The following CCNY variants were observed in gnomAD, a reference collection of about 807,000 sequenced individuals.
CCNY encodes the protein cyclin-Y.
Under a neutral mutation model 42.8 loss-of-function variants are expected in CCNY, and 19 were observed. The observed-to-expected ratio is 0.44, with a 90% CI of 0.31 to 0.65. The LOEUF (loss-of-function observed/expected upper bound fraction) is 0.65. Ranked by LOEUF, CCNY falls within the 30% of genes least tolerant of loss-of-function variation. CCNY has a pLI of 0.07. For missense variants in CCNY, 370 were observed against 437.3 expected, an observed-to-expected ratio of 0.85 and a Z score of 1.37; for synonymous variants, 165 against 162.7, an observed-to-expected ratio of 1.01 and a Z score of -0.11.
chr10:35,560,824 C>T (rs1269506868), intron 8 of CCNY, among the ~76,000 whole-genome samples: 3 of 152,144 alleles, frequency 2.0e-5, no homozygotes, highest in African/African-American at 7.2e-5. Flanking sequence ...CCCAGTAAAA[C>T]CGTGTGAGCC....
chr10:35,542,781 T>G (rs543147217), intron 7 of CCNY, among the ~76,000 whole-genome samples: 1 of 152,360 alleles, frequency 6.6e-6, no homozygotes, highest in South Asian at 2.1e-4. Flanking sequence ...TATGGGTCAC[T>G]TTTAATAGAT....
At chr10:35,339,857 T>C (rs1836135162) in intron 1 of CCNY, among the ~76,000 whole-genome samples, 1 of 152,216 alleles carries the variant, frequency 6.6e-6, no homozygotes, top group Admixed American at 6.5e-5. Flanking sequence ...AGTGTTAGGT[T>C]ATTCATGTTT....
At position 35,527,521 on chromosome 10, in the gene CCNY, A is replaced by G. The variant is rs115278370; in HGVS notation, c.401+1522A>G. ...TTTAATAACAACTCCTTAAGGTGAT[A>G]CTGGTATCTTCATTTTACAGATAAA... On this transcript the variant is annotated intron_variant, in intron 5 of 9. Transcript: ENST00000374704. Among the ~76,000 whole-genome samples the G allele has an allele frequency of 3.3e-3, 497 of 152,326 alleles. 3 individuals are homozygous for G. The highest frequency in any genetic ancestry group is 0.011 in the African/African-American group (471 of 41,566).
chr10:35,495,887 TTGAG>T (rs577398890), intron 2 of CCNY, among the ~76,000 whole-genome samples: 46 of 152,222 alleles, frequency 3.0e-4, no homozygotes, highest in South Asian at 1.2e-3. Context: ...TTGTTTTGAA[TTGAG>T]TGAGTGAGTG....
At chr10:35,305,893 G>A (rs139356624) in intron 3 of CCNY, among the ~76,000 whole-genome samples, 3 of 152,184 alleles carry the variant, frequency 2.0e-5, no homozygotes, top group Admixed American at 1.3e-4. Flanking sequence ...GATATGCTTG[G>A]GATCATTAGA....
At chr10:35,343,151 C>T (rs778106760) in intron 1 of CCNY, among the ~76,000 whole-genome samples, 3 of 151,202 alleles carry the variant, frequency 2.0e-5, no homozygotes, top group East Asian at 2.0e-4. Flanking sequence ...TACAGGTGCA[C>T]GCCACTACTG....
upstream of CCNY, among the ~76,000 whole-genome samples, chr10:35,334,925 A>G (rs1181801609): frequency 6.6e-6 from 1 of 152,214 alleles, no homozygotes; most frequent in Admixed American, 6.5e-5. Flanking sequence ...TGTCACGAAC[A>G]GGTACTGAGG....
At chr10:35,552,427 G>A (rs1841278366) in intron 7 of CCNY, among the ~76,000 whole-genome samples, 1 of 152,198 alleles carries the variant, frequency 6.6e-6, no homozygotes, top group Admixed American at 6.5e-5. Flanking sequence ...AAGTTCTGGA[G>A]ATAGATGGTG....
chr10:35,266,934 A>G (rs1463979513), intron 3 of CCNY, among the ~76,000 whole-genome samples: 3 of 141,322 alleles, frequency 2.1e-5, no homozygotes, highest in Non-Finnish European at 4.7e-5. Flanking sequence ...AAATACAAAC[A>G]TTAGCTGTGT....
At chr10:35,342,248 CTA>C (rs1211035397) in intron 1 of CCNY, among the ~76,000 whole-genome samples, 1 of 152,218 alleles carries the variant, frequency 6.6e-6, no homozygotes, top group Admixed American at 6.5e-5. Context: ...TCTCTACAAT[CTA>C]TTTAACATCA....
chr10:35,358,120 C>T (rs1304834969), intron 1 of CCNY, among the ~76,000 whole-genome samples: 1 of 152,012 alleles, frequency 6.6e-6, no homozygotes, highest in East Asian at 1.9e-4. Context: ...TTTTTGCCCC[C>T]CGCAAGAAGT....
intron 1 of CCNY, among the ~76,000 whole-genome samples, chr10:35,354,908 AATTT>A (rs1437498492): frequency 1.3e-5 from 2 of 152,114 alleles, no homozygotes; most frequent in Non-Finnish European, 2.9e-5. Flanking sequence ...AGGTGTCTCA[AATTT>A]ATTTTTCTTT....
intron 1 of CCNY, among the ~76,000 whole-genome samples, chr10:35,470,569 A>G (rs1839372163): frequency 1.3e-5 from 2 of 152,242 alleles, no homozygotes; most frequent in Admixed American, 6.5e-5. Flanking sequence ...GGAAACAACT[A>G]AATATAAGTG....
At chr10:35,507,758 C>T (rs1470462396) in intron 3 of CCNY, among the ~76,000 whole-genome samples, 1 of 150,512 alleles carries the variant, frequency 6.6e-6, no homozygotes, top group Non-Finnish European at 1.5e-5. Flanking sequence ...CTCAGTCTTT[C>T]AGGACATTGA....
At chr10:35,387,859 AT>A (rs1164799900) in intron 1 of CCNY, among the ~76,000 whole-genome samples, 10 of 152,200 alleles carry the variant, frequency 6.6e-5, no homozygotes, top group Admixed American at 3.3e-4. Flanking sequence ...CAGCTGTAGG[AT>A]TCCATACTGA....
intron 3 of CCNY, among the ~76,000 whole-genome samples, chr10:35,299,386 G>C (rs1835507613): frequency 6.6e-6 from 1 of 152,158 alleles, no homozygotes; most frequent in African/African-American, 2.4e-5. Flanking sequence ...TTAAATTATG[G>C]ATTTGTCTTT....
intron 8 of CCNY, among the ~76,000 whole-genome samples, chr10:35,555,883 C>A (rs1564457248): frequency 6.6e-6 from 1 of 151,950 alleles, no homozygotes; most frequent in Non-Finnish European, 1.5e-5. Context: ...AAAAATTATA[C>A]ATTATAATAA....
intron 1 of CCNY, among the ~76,000 whole-genome samples, chr10:35,399,623 C>G (rs1364150666): frequency 6.6e-6 from 1 of 152,168 alleles, no homozygotes; most frequent in Non-Finnish European, 1.5e-5. Flanking sequence ...AGGGGGTTTG[C>G]TTCATGCCAG....
chr10:35,343,644 C>A (rs1365944158), intron 1 of CCNY, among the ~76,000 whole-genome samples: 2 of 152,140 alleles, frequency 1.3e-5, no homozygotes, highest in African/African-American at 4.8e-5. Flanking sequence ...CCTGCCTCTG[C>A]CTCCCAAAAT....
Sources: gnomAD v4.1 joint callset for allele counts (sites outside exome capture counted in the v4.1 genomes callset) on GRCh38, gnomAD v4.1.1 for gene constraint, MANE v1.5 for transcripts, NCBI Gene and HGNC (gene_info 2026-07-23, HGNC 2026-07-21) for gene names.